The following PHACTR1 variants were observed in gnomAD, a reference collection of about 807,000 sequenced individuals.
The protein encoded by PHACTR1 is phosphatase and actin regulator 1.
In PHACTR1, 16 loss-of-function variants were observed where a neutral mutation model predicts 69.2. The ratio of observed to expected loss-of-function variants is 0.23; its 90% CI spans 0.16 to 0.35. The LOEUF is 0.35. Ranked by LOEUF, PHACTR1 falls within the 10% of genes least tolerant of loss-of-function variation. The probability of loss-of-function intolerance (pLI) is 1.00; values close to 1 mark genes in which losing one functional copy is unlikely to be tolerated. For missense variants in PHACTR1, 510 were observed against 734.7 expected (o/e 0.69, Z 3.54); for synonymous variants, 312 against 284.5 (o/e 1.10, Z -0.97).
At chr6:12,807,899 G>A (rs572717567) in intron 4 of PHACTR1, among the ~76,000 whole-genome samples, 19 of 152,218 alleles carry the variant, frequency 1.2e-4, no homozygotes, top group Middle Eastern at 3.4e-3. Flanking sequence ...GTAAAATGTC[G>A]TTGCCCAATA....
At chr6:12,948,847 A>G (rs1004132346) in intron 4 of PHACTR1, among the ~76,000 whole-genome samples, 2 of 152,242 alleles carry the variant, frequency 1.3e-5, no homozygotes, top group African/African-American at 4.8e-5. Context: ...ATTAAATTTT[A>G]CTTCCAAGCA....
At chr6:12,766,763 TA>T (rs1194698253) in intron 4 of PHACTR1, among the ~76,000 whole-genome samples, 3 of 152,224 alleles carry the variant, frequency 2.0e-5, no homozygotes, top group African/African-American at 7.2e-5. Context: ...TATTTGCTGC[TA>T]AAAATATTGA....
chr6:13,192,290 A>C (rs968068828), intron 7 of PHACTR1, among the ~76,000 whole-genome samples: 1 of 152,258 alleles, frequency 6.6e-6, no homozygotes, highest in Non-Finnish European at 1.5e-5. Flanking sequence ...ATTTAAGACA[A>C]GCCTTAAAGA....
At chr6:12,750,008 G>A (rs1345774231) in intron 4 of PHACTR1, among the ~76,000 whole-genome samples, 5 of 152,172 alleles carry the variant, frequency 3.3e-5, no homozygotes, top group African/African-American at 9.6e-5. Flanking sequence ...CGAGTCCCAC[G>A]CGGGCTTCCC....
intron 10 of PHACTR1, among the ~76,000 whole-genome samples, chr6:13,271,136 G>A (rs921330992): frequency 2.0e-5 from 3 of 151,712 alleles, no homozygotes; most frequent in Non-Finnish European, 4.4e-5. Context: ...AGCCTCCCAA[G>A]TAGCTAGGAT....
chr6:13,052,158 A>C lies in PHACTR1; in HGVS notation c.251-1207A>C, dbSNP rs1276125414. 2.0e-5 allele frequency among the ~76,000 whole-genome samples: 3 copies of C among 152,120 alleles called. No individual in the cohort carries two copies. The East Asian group carries it at 5.8e-4, about 29-fold the overall frequency. ...TCTGACGTGTCTCTCAATTCCATCT[A>C]CTTTCTTTCAGTCCTGCTGTGGGGA... On this transcript the variant is annotated intron_variant, in intron 4 of 14. Transcript: ENST00000332995.
At chr6:13,191,689 C>G (rs1448841088) in intron 7 of PHACTR1, among the ~76,000 whole-genome samples, 3 of 152,206 alleles carry the variant, frequency 2.0e-5, no homozygotes, top group Admixed American at 1.3e-4. Flanking sequence ...AGGGCTGCTC[C>G]TGACTTGGCC....
At chr6:12,718,046 T>C (rs945350403) in intron 2 of PHACTR1, among the ~76,000 whole-genome samples, 1 of 152,088 alleles carries the variant, frequency 6.6e-6, no homozygotes, top group African/African-American at 2.4e-5. Flanking sequence ...TATGATAATA[T>C]AGGGATCACT....
chr6:12,777,460 TCTTA>T (rs1319055578), intron 4 of PHACTR1, among the ~76,000 whole-genome samples: 2 of 151,886 alleles, frequency 1.3e-5, no homozygotes, highest in Non-Finnish European at 2.9e-5. Context: ...AGTGTTTAGC[TCTTA>T]CTTACAAGTG....
At chr6:13,001,369 G>A (rs1024854263) in intron 4 of PHACTR1, among the ~76,000 whole-genome samples, 2 of 152,196 alleles carry the variant, frequency 1.3e-5, no homozygotes. Context: ...GTATTCGGAG[G>A]AAGTGACCAA....
chr6:12,849,311 T>C (rs1779596645), intron 4 of PHACTR1, among the ~76,000 whole-genome samples: 1 of 152,188 alleles, frequency 6.6e-6, no homozygotes, highest in African/African-American at 2.4e-5. Context: ...AGGTCCCACG[T>C]CGGTGATTCG....
At chr6:13,011,492 C>T (rs1356311435) in intron 4 of PHACTR1, among the ~76,000 whole-genome samples, 1 of 152,200 alleles carries the variant, frequency 6.6e-6, no homozygotes, top group Non-Finnish European at 1.5e-5. Flanking sequence ...GCCCAGGGCA[C>T]ATCCTTTAAT....
rs1231070571 is a variant in PHACTR1 at position 13,084,605 on chromosome 6, G to A, written c.415+31076G>A. Among the ~76,000 whole-genome samples the A allele has an allele frequency of 2.0e-5, 3 of 151,608 alleles. No individual in the cohort carries two copies. In the East Asian group the frequency reaches 5.8e-4, roughly 29 times the overall value. On this transcript the variant is annotated intron_variant, in intron 5 of 14. Coordinates refer to ENST00000332995, the MANE Select transcript of PHACTR1 (RefSeq NM_030948.6). Reference sequence around the variant, plus strand: ...ACTTGAATGGAGGAAGCAATAATGAGCAAATAAATTGGCAACATTCTTTTA... The same window carrying A: ...ACTTGAATGGAGGAAGCAATAATGAACAAATAAATTGGCAACATTCTTTTA...
At chr6:12,786,436 G>T (rs1193893365) in intron 4 of PHACTR1, among the ~76,000 whole-genome samples, 2 of 152,206 alleles carry the variant, frequency 1.3e-5, no homozygotes, top group Non-Finnish European at 2.9e-5. Context: ...GTCCAGAGTG[G>T]AATGTCAGCC....
chr6:13,022,166 A>G (rs1583005266), intron 4 of PHACTR1, among the ~76,000 whole-genome samples: 1 of 152,254 alleles, frequency 6.6e-6, no homozygotes, highest in East Asian at 1.9e-4. Context: ...CATTCAGGGA[A>G]ATTTGGGCAA....
At chr6:12,931,216 C>T (rs9381511) in intron 4 of PHACTR1, among the ~76,000 whole-genome samples, 21,887 of 152,074 alleles carry the variant, frequency 0.14, 3,353 homozygotes, top group African/African-American at 0.39. Flanking sequence ...ATTTCTCCAA[C>T]GATTGTGACT....
chr6:13,267,827 A>G (rs972250717), intron 10 of PHACTR1: 5 of 128,152 alleles, frequency 3.9e-5, no homozygotes, highest in African/African-American at 1.6e-4. Context: ...TCGGGGGTCC[A>G]GGAATGATCT....
intron 4 of PHACTR1, among the ~76,000 whole-genome samples, chr6:12,758,466 TAAAA>T (rs11361990): frequency 1.0e-5 from 1 of 95,796 alleles, no homozygotes; most frequent in East Asian, 3.8e-4. Context: ...ACTCTCTTTC[TAAAA>T]AAAAAAAAAA....
At chr6:12,839,000 TC>T (rs1178393428) in intron 4 of PHACTR1, among the ~76,000 whole-genome samples, 10 of 152,362 alleles carry the variant, frequency 6.6e-5, no homozygotes, top group African/African-American at 2.4e-4. Context: ...TTACTGCATG[TC>T]ATTTACTCTA....
Sources: gnomAD v4.1 joint callset for allele counts (sites outside exome capture counted in the v4.1 genomes callset) on GRCh38, gnomAD v4.1.1 for gene constraint, MANE v1.5 for transcripts, NCBI Gene and HGNC (gene_info 2026-07-23, HGNC 2026-07-21) for gene names.